The following SKI variants were observed in gnomAD, a reference collection of about 807,000 sequenced individuals.
SKI encodes the protein SKI proto-oncogene.
SKI carries 23 observed loss-of-function variants against 59.3 expected under a neutral mutation model. The observed-to-expected ratio is 0.39, with a 90% CI of 0.28 to 0.55. The LOEUF is 0.55. Among genes scored for constraint, SKI ranks in the 20% least tolerant of loss-of-function variants. The probability of loss-of-function intolerance (pLI) is 0.67; values close to 1 mark genes in which losing one functional copy is unlikely to be tolerated. For missense variants in SKI, 1,017 were observed against 1,038.9 expected (o/e 0.98, Z 0.29); for synonymous variants, 673 against 488.6 (o/e 1.38, Z -4.98).
chr1:2,250,721 C>A (rs945929419), intron 1 of SKI, among the ~76,000 whole-genome samples: 1 of 152,244 alleles, frequency 6.6e-6, no homozygotes. Flanking sequence ...AAGCTGGCTC[C>A]CCTGGCCACG....
At chr1:2,266,801 A>G (rs1054217010) in intron 1 of SKI, among the ~76,000 whole-genome samples, 1 of 152,200 alleles carries the variant, frequency 6.6e-6, no homozygotes, top group African/African-American at 2.4e-5. Context: ...GCGGCCGGAT[A>G]TCTGTAGCTC....
At chr1:2,233,183 A>AG (rs926281581) in intron 1 of SKI, among the ~76,000 whole-genome samples, 10 of 128,656 alleles carry the variant, frequency 7.8e-5, no homozygotes, top group Non-Finnish European at 1.3e-4. Context: ...TCCTGCTCCA[A>AG]GGGGGGGTCC....
Position 2,303,775 on chromosome 1 carries a change from C to A in SKI, c.1212-65C>A, listed in dbSNP as rs1236432914. On this transcript the variant is annotated intron_variant, in intron 3 of 6. Coordinates refer to ENST00000378536, the MANE Select transcript of SKI (RefSeq NM_003036.4). This position sits in a 1 kb window ranked among gnomAD's most constrained non-coding sequence, Gnocchi z 5.6. ...TTAACACCTTCAGAGGGGGTGTGCG[C>A]CAGGATGTGTCTGGGTGGTGCTTGG... 1.3e-6 allele frequency: 2 copies of A among 1,590,506 alleles called. No individual in the cohort carries two copies. The highest frequency in any genetic ancestry group is 1.7e-6 in the Non-Finnish European group (2 of 1,167,866).
intron 1 of SKI, among the ~76,000 whole-genome samples, chr1:2,256,646 CTG>C (rs1423557241): frequency 6.6e-6 from 1 of 152,262 alleles, no homozygotes; most frequent in African/African-American, 2.4e-5. Flanking sequence ...GACCTGGTAA[CTG>C]GGCACCCGTG....
At position 2,228,434 on chromosome 1, in the gene SKI, G is replaced by A. The variant is rs1390692619; in HGVS notation, c.-333G>A. Among the ~76,000 whole-genome samples the A allele has an allele frequency of 7.0e-6, 1 of 142,874 alleles. No individual in the cohort carries two copies. Among genetic ancestry groups the A allele is most frequent in the Non-Finnish European group, 1.5e-5 (1 of 64,528 alleles). The allele number at this position is 142,874 out of a possible 152,430, so 93.7% of individuals were successfully genotyped here. On this transcript the variant is annotated 5_prime_UTR_variant, in exon 1 of 7. Coordinates refer to ENST00000378536, the MANE Select transcript of SKI (RefSeq NM_003036.4). ...CCCGCGAGCGTTGGCGTTGGCGTTGGCGGCGCGCGCCGGGGCATGCCCCGC... is the reference window on the plus strand; with the variant it reads ...CCCGCGAGCGTTGGCGTTGGCGTTGACGGCGCGCGCCGGGGCATGCCCCGC...
At chr1:2,249,980 C>T (rs1639093429) in intron 1 of SKI, among the ~76,000 whole-genome samples, 1 of 152,144 alleles carries the variant, frequency 6.6e-6, no homozygotes, top group Non-Finnish European at 1.5e-5. Flanking sequence ...TCTTGGCTCA[C>T]AGCAACCTCC....
At chr1:2,302,036 C>G (rs1224445427) in intron 1 of SKI, among the ~76,000 whole-genome samples, 1 of 152,248 alleles carries the variant, frequency 6.6e-6, no homozygotes, top group Non-Finnish European at 1.5e-5. Context: ...AGCACCGTCT[C>G]AGGGGTTTCC....
At chr1:2,287,338 A>ATTTTT (rs56295904) in intron 1 of SKI, among the ~76,000 whole-genome samples, 3 of 140,094 alleles carry the variant, frequency 2.1e-5, no homozygotes, top group African/African-American at 5.4e-5. Context: ...GAAATATCCA[A>ATTTTT]TTTTTTTTTT....
chr1:2,234,041 G>C (rs764003579), intron 1 of SKI, among the ~76,000 whole-genome samples: 7 of 152,180 alleles, frequency 4.6e-5, no homozygotes, highest in Non-Finnish European at 1.0e-4. Context: ...CTGTAGTCTT[G>C]GGCCATGCTC....
At chr1:2,264,308 C>A (rs1639452169) in intron 1 of SKI, among the ~76,000 whole-genome samples, 2 of 152,130 alleles carry the variant, frequency 1.3e-5, no homozygotes. Flanking sequence ...CTTGCTCTGT[C>A]ACCCAGGCTG....
intron 1 of SKI, among the ~76,000 whole-genome samples, chr1:2,276,820 C>T (rs1442691906): frequency 6.6e-6 from 1 of 152,194 alleles, no homozygotes; most frequent in Non-Finnish European, 1.5e-5. Flanking sequence ...AGCCCGTGCT[C>T]ATAGCTCCGT....
chr1:2,288,022 C>G (rs1182849199), intron 1 of SKI, among the ~76,000 whole-genome samples: 2 of 150,986 alleles, frequency 1.3e-5, no homozygotes, highest in Non-Finnish European at 1.5e-5. Flanking sequence ...GAGTTTCACT[C>G]TTGTTGCCCA....
chr1:2,290,384 T>C (rs1293713959), intron 1 of SKI, among the ~76,000 whole-genome samples: 4 of 152,122 alleles, frequency 2.6e-5, no homozygotes, highest in African/African-American at 9.7e-5. Flanking sequence ...ACTTGGGAAC[T>C]GAGGGGACAC....
At chr1:2,302,024 G>C (rs1450565869) in intron 1 of SKI, among the ~76,000 whole-genome samples, 2 of 152,242 alleles carry the variant, frequency 1.3e-5, no homozygotes, top group African/African-American at 4.8e-5. Flanking sequence ...TGCCTTGCGG[G>C]CAGCACCGTC....
intron 1 of SKI, among the ~76,000 whole-genome samples, chr1:2,284,647 T>C (rs1018517028): frequency 6.6e-6 from 1 of 152,136 alleles, no homozygotes; most frequent in Admixed American, 6.5e-5. Flanking sequence ...CTCCTGTGAC[T>C]GCATGGGCCT....
At chr1:2,230,745 A>G (rs546225616) in intron 1 of SKI, among the ~76,000 whole-genome samples, 36 of 152,278 alleles carry the variant, frequency 2.4e-4, no homozygotes, top group African/African-American at 8.7e-4. Context: ...GGCTTATTAA[A>G]TTGCACACAC....
intron 1 of SKI, among the ~76,000 whole-genome samples, chr1:2,295,156 C>T (rs1037766663): frequency 6.6e-6 from 1 of 152,192 alleles, no homozygotes; most frequent in Admixed American, 6.5e-5. Context: ...AGACTCAGAC[C>T]TGGAGCCTTC....
chr1:2,235,584 C>T (rs542180632), intron 1 of SKI, among the ~76,000 whole-genome samples: 39 of 152,306 alleles, frequency 2.6e-4, no homozygotes, highest in Non-Finnish European at 4.9e-4. Context: ...TTCCCAGAGC[C>T]TGCATGTTGG....
At chr1:2,278,967 T>TG (rs536861492) in intron 1 of SKI, among the ~76,000 whole-genome samples, 290 of 152,282 alleles carry the variant, frequency 1.9e-3, no homozygotes, top group African/African-American at 6.7e-3. Flanking sequence ...ACCCTGGCGT[T>TG]GAAGTGCCAC....
Sources: gnomAD v4.1 joint callset for allele counts (sites outside exome capture counted in the v4.1 genomes callset) on GRCh38, gnomAD v4.1.1 for gene constraint, Gnocchi (gnomAD v3.1) non-coding constraint, MANE v1.5 for transcripts, NCBI Gene and HGNC (gene_info 2026-07-23, HGNC 2026-07-21) for gene names.